The following DNMT1 variants were observed in gnomAD, a reference collection of about 807,000 sequenced individuals.
DNMT1 encodes DNA (cytosine-5)-methyltransferase 1.
Under a neutral mutation model 205.3 loss-of-function variants are expected in DNMT1, and 24 were observed. The observed-to-expected ratio is 0.12, with a 90% CI of 0.08 to 0.16. The LOEUF (loss-of-function observed/expected upper bound fraction) is 0.16, where lower values mean the gene tolerates loss of function less well. Ranked by LOEUF, DNMT1 falls within the 10% of genes least tolerant of loss-of-function variation. The pLI is 1.00. For synonymous variants in DNMT1, 817 were observed against 839.8 expected (o/e 0.97, Z 0.47); for missense variants, 1,293 against 2,177.7 (o/e 0.59, Z 8.09).
In DNMT1 at chr19:10,159,144, G is replaced by A. The variant is rs749887732; in HGVS notation, c.1280+514C>T. ...CCCTCAGGATGTGGGCAGAATGGAG[G>A]GGTAATATGTGTAGTGTAAAAACCC... is the stretch of plus-strand genomic sequence containing the variant. On this transcript the variant is annotated intron_variant, in intron 17 of 40. Transcript: ENST00000359526. The surrounding 1 kb of genome is among the most constrained non-coding windows in gnomAD (Gnocchi z 5.0). Among the ~76,000 whole-genome samples the A allele has an allele frequency of 6.6e-5, 10 of 152,212 alleles. No homozygotes were observed. The highest frequency in any genetic ancestry group is 7.4e-5 in the Non-Finnish European group (5 of 68,004).
At chr19:10,170,006 C>T (rs893816850) in intron 9 of DNMT1, among the ~76,000 whole-genome samples, 8 of 152,126 alleles carry the variant, frequency 5.3e-5, no homozygotes, top group Non-Finnish European at 1.2e-4. Flanking sequence ...CCAGCCTCGG[C>T]CGGGCGTGGT....
At chr19:10,145,227 A>G (rs2038173338) in intron 28 of DNMT1, among the ~76,000 whole-genome samples, 1 of 152,172 alleles carries the variant, frequency 6.6e-6, no homozygotes, top group South Asian at 2.1e-4. Flanking sequence ...GCCCCCCAGG[A>G]GTCTGACGGG....
chr19:10,150,138 G>A (rs1001548171), intron 24 of DNMT1, among the ~76,000 whole-genome samples, 170 bp from the exon 25 acceptor site: 3 of 152,084 alleles, frequency 2.0e-5, no homozygotes, highest in South Asian at 2.1e-4. Context: ...TCAATAATAA[G>A]AAAAAAGAAG....
chr19:10,138,018 G>A lies in DNMT1; in HGVS notation c.4116-9C>T, dbSNP rs1057520947. On this transcript the variant is annotated splice_polypyrimidine_tract_variant and intron_variant, in intron 35 of 40. Transcript: ENST00000359526. The surrounding 1 kb of genome is among the most constrained non-coding windows in gnomAD (Gnocchi z 4.1). ...AAGGACCCGAGCTCAACCTGCAACAGAGGAGGAGGTCAACACCTCTGGAGA... is the reference window on the plus strand; with the variant it reads ...AAGGACCCGAGCTCAACCTGCAACAAAGGAGGAGGTCAACACCTCTGGAGA... 1 of 1,608,578 alleles carries A rather than the reference G, an allele frequency of 6.2e-7. No individual in the cohort carries two copies. Among genetic ancestry groups the A allele is most frequent in the East Asian group, 2.2e-5 (1 of 44,798 alleles).
intron 29 of DNMT1, chr19:10,142,784 C>G (rs1203768874): frequency 6.1e-6 from 1 of 164,940 alleles, no homozygotes; most frequent in African/African-American, 2.4e-5. Flanking sequence ...AGATTCGCCC[C>G]CAATTAGGGA....
At chr19:10,136,320 G>A (rs1232501548) in intron 37 of DNMT1, 33 bp from the exon 38 acceptor site, 1 of 1,611,920 alleles carries the variant, frequency 6.2e-7, no homozygotes, top group Non-Finnish European at 8.5e-7. Flanking sequence ...GGCTGCAGTT[G>A]TGGGATGGGG....
intron 14 of DNMT1, 109 bp from the exon 15 acceptor site, chr19:10,160,172 C>T (rs1363460842): frequency 1.0e-5 from 16 of 1,584,662 alleles, no homozygotes; most frequent in Admixed American, 5.2e-5. Context: ...AGGGAGGCAC[C>T]GGCTGTGGCA....
At position 10,139,833 on chromosome 19, in the gene DNMT1, G is replaced by C; in HGVS notation, c.3807-16C>G. 1 of 1,566,078 alleles carries C rather than the reference G, an allele frequency of 6.4e-7. No individual in the cohort carries two copies. Among genetic ancestry groups the C allele is most frequent in the East Asian group, 2.4e-5 (1 of 42,464 alleles). ...GTCGCAGTAGCTGTAGGGGGCAGGA[G>C]AGACTGCAGGAGTCACCTCCACAGA... is the stretch of plus-strand genomic sequence containing the variant. On this transcript the variant is annotated splice_polypyrimidine_tract_variant and intron_variant, in intron 33 of 40. Coordinates refer to ENST00000359526, the MANE Select transcript of DNMT1 (RefSeq NM_001130823.3).
At chr19:10,172,907 T>C (rs1027921745) in intron 9 of DNMT1, among the ~76,000 whole-genome samples, 183 bp downstream of exon 9, 2 of 152,238 alleles carry the variant, frequency 1.3e-5, no homozygotes, top group Admixed American at 6.6e-5. Context: ...CCACCTTTCA[T>C]GTAGAGACCA....
At chr19:10,171,046 G>A (rs540007511) in intron 9 of DNMT1, among the ~76,000 whole-genome samples, 2 of 151,968 alleles carry the variant, frequency 1.3e-5, no homozygotes, top group African/African-American at 2.4e-5. Flanking sequence ...GAGCTCAAGC[G>A]ATCCACCCAC....
intron 5 of DNMT1, 164 bp downstream of exon 5, chr19:10,180,023 G>T: frequency 3.3e-6 from 1 of 302,134 alleles, no homozygotes. Flanking sequence ...AAGAAAGAGA[G>T]TTAAGCAGGG....
chr19:10,177,704 G>A (rs1360126689), intron 5 of DNMT1, among the ~76,000 whole-genome samples: 1 of 152,060 alleles, frequency 6.6e-6, no homozygotes, highest in Non-Finnish European at 1.5e-5. Flanking sequence ...GCTGAGGTGG[G>A]AAAATAATCC....
rs2038462227 is a variant in DNMT1 at position 10,156,596 on chromosome 19, G to C, written c.1281-87C>G. 1.1e-6 allele frequency: 1 copy of C among 933,516 alleles called. No homozygotes were observed. Among genetic ancestry groups the C allele is most frequent in the Non-Finnish European group, 1.8e-6 (1 of 566,834 alleles). The allele number at this position is 933,516 out of a possible 1,614,324, so 57.8% of individuals were successfully genotyped here. A position where few individuals can be genotyped will look rare whatever the true frequency, so the allele number is the denominator to read the frequency against. Reference sequence around the variant, plus strand: ...CTTCAGATCAGGCACGAGGCAATGAGAGAATGTACAAGTCTGACACTCTTT... The same window carrying C: ...CTTCAGATCAGGCACGAGGCAATGACAGAATGTACAAGTCTGACACTCTTT... On this transcript the variant is annotated intron_variant, in intron 17 of 40. Transcript: ENST00000359526. The surrounding 1 kb of genome is among the most constrained non-coding windows in gnomAD (Gnocchi z 4.2).
In DNMT1 at chr19:10,156,576, G is replaced by T. The variant is rs10421746; in HGVS notation, c.1281-67C>A. 0.1 allele frequency: 117,333 copies of T among 1,119,650 alleles called. 9,806 individuals carry two copies. Among genetic ancestry groups the T allele is most frequent in the East Asian group, 0.37 (15,474 of 42,100 alleles). 69.4% of individuals were successfully genotyped at this position (1,119,650 alleles called of 1,614,324 possible). A position where few individuals can be genotyped will look rare whatever the true frequency, so the allele number is the denominator to read the frequency against. On this transcript the variant is annotated intron_variant, in intron 17 of 40. Transcript: ENST00000359526. This position sits in a 1 kb window ranked among gnomAD's most constrained non-coding sequence, Gnocchi z 4.2. Reference sequence around the variant, plus strand: ...AAGGCGGGTCTTCGTGCAGACTTCAGATCAGGCACGAGGCAATGAGAGAAT... The same window carrying T: ...AAGGCGGGTCTTCGTGCAGACTTCATATCAGGCACGAGGCAATGAGAGAAT...
intron 6 of DNMT1, among the ~76,000 whole-genome samples, chr19:10,176,222 T>C (rs2038936401): frequency 6.6e-6 from 1 of 151,338 alleles, no homozygotes; most frequent in Admixed American, 6.6e-5. Flanking sequence ...TGATCAGTCC[T>C]GTAATCCTAT....
chr19:10,138,633 A>G lies in DNMT1; in HGVS notation c.3949-28T>C. ...GTGGGGGAGAAGGACGGACAACCCC[A>G]CCGTCAGTGGGACACTCCCAACTGG... On this transcript the variant is annotated intron_variant, in intron 34 of 40. Transcript: ENST00000359526. The surrounding 1 kb of genome is among the most constrained non-coding windows in gnomAD (Gnocchi z 4.1). 1.3e-6 allele frequency: 2 copies of G among 1,593,946 alleles called. No individual in the cohort carries two copies. The highest frequency in any genetic ancestry group is 1.7e-6 in the Non-Finnish European group (2 of 1,177,766).
chr19:10,158,802 G>A (rs2038508438), intron 17 of DNMT1, among the ~76,000 whole-genome samples: 1 of 152,206 alleles, frequency 6.6e-6, no homozygotes, highest in Admixed American at 6.5e-5. Flanking sequence ...TCCACAGCTG[G>A]CACAGGCCCC....
intron 13 of DNMT1, among the ~76,000 whole-genome samples, chr19:10,161,341 A>ATAAATAAATAAATAAATAAATAAC (rs2038566888): frequency 6.6e-6 from 1 of 151,130 alleles, no homozygotes; most frequent in Admixed American, 6.6e-5. Flanking sequence ...AAATAAATAA[A>ATAAATAAATAAATAAATAAATAAC]TAAATAAATA....
At position 10,140,771 on chromosome 19, in the gene DNMT1, G is replaced by T; in HGVS notation, c.3523+10C>A. 6.2e-7 allele frequency: 1 copy of T among 1,614,010 alleles called. No individual in the cohort carries two copies. The highest frequency in any genetic ancestry group is 8.5e-7 in the Non-Finnish European group (1 of 1,179,922). ...CCAGGTATTCAGAGATGGAGCCTAC[G>T]GGCGCTCACCTGCTTGGTGGAATCC... On this transcript the variant is annotated intron_variant, in intron 32 of 40. Transcript: ENST00000359526. This position sits in a 1 kb window ranked among gnomAD's most constrained non-coding sequence, Gnocchi z 8.4.
Sources: allele counts gnomAD v4.1 joint callset (sites outside exome capture counted in the v4.1 genomes callset), GRCh38; gene constraint gnomAD v4.1.1; non-coding constraint Gnocchi (gnomAD v3.1); transcripts MANE v1.5; gene names NCBI Gene and HGNC (gene_info 2026-07-23, HGNC 2026-07-21).